The following PARD3 variants were observed in gnomAD, a reference collection of about 807,000 sequenced individuals.
The protein encoded by PARD3 is partitioning defective 3 homolog.
Under a neutral mutation model 155.4 loss-of-function variants are expected in PARD3, and 75 were observed. That is an observed-to-expected ratio of 0.48 (90% CI 0.40 to 0.58). The LOEUF is 0.58. Ranked by LOEUF, PARD3 falls within the 20% of genes least tolerant of loss-of-function variation. The probability of loss-of-function intolerance (pLI) is 0.00; values close to 1 mark genes in which losing one functional copy is unlikely to be tolerated. For synonymous variants in PARD3, 576 were observed against 610.5 expected (o/e 0.94, Z 0.83); for missense variants, 1,642 against 1,721.7 (o/e 0.95, Z 0.82).
chr10:34,759,649 C>T (rs1268222289), intron 1 of PARD3, among the ~76,000 whole-genome samples: 1 of 152,214 alleles, frequency 6.6e-6, no homozygotes, highest in African/African-American at 2.4e-5. Context: ...GCCAATTCAA[C>T]AGCACATCGC....
intron 3 of PARD3, among the ~76,000 whole-genome samples, chr10:34,491,454 T>C (rs1250739468): frequency 6.6e-6 from 1 of 152,226 alleles, no homozygotes; most frequent in African/African-American, 2.4e-5. Flanking sequence ...TAATCTGCAT[T>C]TTCTAACACC....
chr10:34,673,555 G>T (rs1247248132), intron 2 of PARD3, among the ~76,000 whole-genome samples: 1 of 152,156 alleles, frequency 6.6e-6, no homozygotes, highest in Non-Finnish European at 1.5e-5. Flanking sequence ...ACACAGGAAA[G>T]CAATGTCACA....
intron 22 of PARD3, among the ~76,000 whole-genome samples, chr10:34,174,061 G>A (rs916610436): frequency 4.6e-5 from 7 of 152,188 alleles, no homozygotes; most frequent in African/African-American, 1.4e-4. Context: ...AAAGCAACAT[G>A]TGCTGACTGG....
chr10:34,145,221 A>ATTT (rs57442429), intron 22 of PARD3, among the ~76,000 whole-genome samples: 1 of 33,970 alleles, frequency 2.9e-5, no homozygotes, highest in Non-Finnish European at 5.0e-5. Context: ...ATATATATAT[A>ATTT]TTTTTTTTTT....
chr10:34,277,081 C>A lies in PARD3; in HGVS notation c.3176+7054G>T, dbSNP rs1374434346. Among the ~76,000 whole-genome samples the A allele has an allele frequency of 2.6e-5, 4 of 152,154 alleles. No homozygotes were observed. In the East Asian group the frequency reaches 7.7e-4, roughly 29 times the overall value. ...ATTTTACCCCCAACTTACTGCACTG[C>A]CATCCAGAAGCCTCATTCTGGGAAC... On this transcript the variant is annotated intron_variant, in intron 21 of 24. Transcript: ENST00000374788.
Position 34,111,045 on chromosome 10 carries a change from C to T in PARD3, c.*124G>A. The T allele has an allele frequency of 9.5e-7, 1 of 1,053,348 alleles. No individual in the cohort carries two copies. Among genetic ancestry groups the T allele is most frequent in the South Asian group, 1.8e-5 (1 of 54,720 alleles). 65.3% of individuals were successfully genotyped at this position (1,053,348 alleles called of 1,614,324 possible). A position where few individuals can be genotyped will look rare whatever the true frequency, so the allele number is the denominator to read the frequency against. ...TTTCTTTGCCTACACCGCTTAAAGG[C>T]ACTGATACCAACAACAGAAATACTC... On this transcript the variant is annotated 3_prime_UTR_variant, in exon 25 of 25. Transcript: ENST00000374788.
At chr10:34,796,867 C>T (rs1180425351) in intron 1 of PARD3, among the ~76,000 whole-genome samples, 4 of 152,204 alleles carry the variant, frequency 2.6e-5, no homozygotes, top group Non-Finnish European at 1.5e-5. Context: ...TGCCTGTAAT[C>T]CCAGCTACTC....
intron 1 of PARD3, among the ~76,000 whole-genome samples, chr10:34,791,391 G>A (rs1037204183): frequency 2.6e-5 from 4 of 152,168 alleles, no homozygotes; most frequent in African/African-American, 9.7e-5. Context: ...TGTGGGCAGC[G>A]TCATCACCAA....
At chr10:34,546,709 A>G (rs769871444) in intron 2 of PARD3, among the ~76,000 whole-genome samples, 1 of 152,180 alleles carries the variant, frequency 6.6e-6, no homozygotes, top group African/African-American at 2.4e-5. Flanking sequence ...CACCTCATCA[A>G]TAAGTTCCAG....
chr10:34,634,241 G>A (rs1463629281), intron 2 of PARD3, among the ~76,000 whole-genome samples: 1 of 152,198 alleles, frequency 6.6e-6, no homozygotes, highest in Admixed American at 6.5e-5. Context: ...TTACTAAGGA[G>A]CTGTTAACAG....
chr10:34,457,289 G>A (rs986807673), intron 4 of PARD3, among the ~76,000 whole-genome samples: 6 of 152,172 alleles, frequency 3.9e-5, no homozygotes, highest in African/African-American at 1.4e-4. Context: ...TCTGTCCAGA[G>A]AGCCAACCAG....
chr10:34,266,948 G>A (rs1955343060), intron 22 of PARD3, among the ~76,000 whole-genome samples: 2 of 152,152 alleles, frequency 1.3e-5, no homozygotes, highest in South Asian at 4.1e-4. Context: ...CTGGGCCTCA[G>A]GAGCTGGGAA....
At chr10:34,226,387 T>C (rs771252370) in intron 22 of PARD3, among the ~76,000 whole-genome samples, 6 of 152,156 alleles carry the variant, frequency 3.9e-5, no homozygotes, top group Non-Finnish European at 7.3e-5. Context: ...CCGTCTCTAC[T>C]GAAAATACAA....
intron 22 of PARD3, among the ~76,000 whole-genome samples, chr10:34,235,666 T>C (rs1166222288): frequency 6.6e-6 from 1 of 152,204 alleles, no homozygotes; most frequent in Non-Finnish European, 1.5e-5. Flanking sequence ...GGCATGAAAT[T>C]GGATCTTGCC....
At chr10:34,451,678 T>TAA (rs1422645893) in intron 4 of PARD3, among the ~76,000 whole-genome samples, 1 of 151,588 alleles carries the variant, frequency 6.6e-6, no homozygotes, top group Non-Finnish European at 1.5e-5. Flanking sequence ...TTTACCAACA[T>TAA]AAACTTTGAC....
chr10:34,365,695 G>A (rs778772525), intron 12 of PARD3, among the ~76,000 whole-genome samples: 13 of 152,108 alleles, frequency 8.5e-5, no homozygotes, highest in Non-Finnish European at 1.5e-4. Context: ...TCAAGCAATT[G>A]TCCTGCCTCA....
intron 19 of PARD3, among the ~76,000 whole-genome samples, chr10:34,318,006 C>T (rs1158432842): frequency 6.6e-6 from 1 of 152,104 alleles, no homozygotes; most frequent in Non-Finnish European, 1.5e-5. Flanking sequence ...TGCATCATGG[C>T]GGCTGAACAG....
chr10:34,795,831 T>C (rs1013779968), intron 1 of PARD3, among the ~76,000 whole-genome samples: 3 of 150,516 alleles, frequency 2.0e-5, no homozygotes, highest in South Asian at 2.1e-4. Flanking sequence ...GAGGTGGAGG[T>C]TGTAGTGAGC....
intron 2 of PARD3, among the ~76,000 whole-genome samples, chr10:34,579,941 T>C (rs2087285723): frequency 1.3e-5 from 2 of 151,720 alleles, no homozygotes; most frequent in South Asian, 4.2e-4. Flanking sequence ...AGATGGAGTC[T>C]TACTCTGTCT....
Sources: gnomAD v4.1 joint callset for allele counts (sites outside exome capture counted in the v4.1 genomes callset) on GRCh38, gnomAD v4.1.1 for gene constraint, MANE v1.5 for transcripts, NCBI Gene and HGNC (gene_info 2026-07-23, HGNC 2026-07-21) for gene names.